The following FBRSL1 variants were observed in gnomAD, a reference collection of about 807,000 sequenced individuals.
FBRSL1 encodes the protein fibrosin like 1, also known as fibrosin-1-like protein.
Under a neutral mutation model 89.6 loss-of-function variants are expected in FBRSL1, and 51 were observed. The observed-to-expected ratio is 0.57, with a 90% CI of 0.45 to 0.72. The LOEUF (loss-of-function observed/expected upper bound fraction) is 0.72. Among genes scored for constraint, FBRSL1 ranks in the 30% least tolerant of loss-of-function variants. The probability of loss-of-function intolerance (pLI) is 0.00; values close to 1 mark genes in which losing one functional copy is unlikely to be tolerated. For synonymous variants in FBRSL1, 779 were observed against 681.1 expected (o/e 1.14, Z -2.24); for missense variants, 1,618 against 1,451.8 (o/e 1.11, Z -1.86).
intron 9 of FBRSL1, chr12:132,571,756 G>A (rs955724862): frequency 3.1e-5 from 11 of 350,470 alleles, no homozygotes; most frequent in Admixed American, 2.4e-4. Flanking sequence ...CAGGCACCCC[G>A]TGCCCACGTG....
At chr12:132,573,660 G>A (rs1241255076) in intron 11 of FBRSL1, among the ~76,000 whole-genome samples, 1 of 96,854 alleles carries the variant, frequency 1.0e-5, no homozygotes, top group Non-Finnish European at 2.6e-5. Context: ...GAGCCAGTCT[G>A]GGGAGGAGGG....
intron 2 of FBRSL1, among the ~76,000 whole-genome samples, chr12:132,518,334 C>T (rs1261794748): frequency 1.3e-5 from 2 of 151,638 alleles, no homozygotes; most frequent in Non-Finnish European, 2.9e-5. Context: ...TGCATCTGTC[C>T]ATCCACCCAC....
At chr12:132,558,625 C>T (rs2038865566) in intron 5 of FBRSL1, among the ~76,000 whole-genome samples, 1 of 152,238 alleles carries the variant, frequency 6.6e-6, no homozygotes, top group Non-Finnish European at 1.5e-5. Flanking sequence ...CTTGGTGATT[C>T]CTTCTATACC....
chr12:132,525,627 C>T (rs894753817), intron 2 of FBRSL1, 107 bp from the exon 3 acceptor site: 14 of 885,176 alleles, frequency 1.6e-5, no homozygotes, highest in South Asian at 3.1e-5. Context: ...CGCCTGGGGC[C>T]GGGGTGCTGG....
chr12:132,581,664 C>T, intron 16 of FBRSL1, 77 bp from the exon 17 acceptor site: 1 of 1,504,750 alleles, frequency 6.6e-7, no homozygotes, highest in Non-Finnish European at 9.0e-7. Context: ...AAAGCCTCTA[C>T]AGCAGCCCCC....
In FBRSL1 at chr12:132,499,652, A is replaced by G. The variant is rs547303789; in HGVS notation, c.292-8501A>G. Among the ~76,000 whole-genome samples the G allele has an allele frequency of 4.0e-5, 6 of 150,440 alleles. No individual in the cohort carries two copies. Among genetic ancestry groups the G allele is most frequent in the Non-Finnish European group, 8.9e-5 (6 of 67,374 alleles). ...AGGAAGGGCACATGTAGCAGGTGGT[A>G]CAGGTTTGGGGTGCCGGTGGCAGGC... On this transcript the variant is annotated intron_variant, in intron 1 of 18. Coordinates refer to ENST00000680143, the MANE Select transcript of FBRSL1 (RefSeq NM_001367871.1). This position sits in a 1 kb window ranked among gnomAD's most constrained non-coding sequence, Gnocchi z 4.3.
chr12:132,583,525 G>T lies in FBRSL1; in HGVS notation c.2756G>T (p.Gly919Val). Residue 919 changes from glycine to valine, a missense_variant, in exon 19 of 19, where the codon GGC (glycine) becomes GTC (valine). By Grantham distance (109) the Gly-to-Val change is moderately radical (BLOSUM62 -3). Transcript: ENST00000680143. ...CCGCCCGCCGCCCCCGCCTTGGACG[G>T]CGCGCTGCTGCCCTCGCTGGGAGCC... Reference protein sequence around the residue: ...HLPPAAPALDGALLPSLGALH... With the variant: ...HLPPAAPALDVALLPSLGALH... 1 of 1,046,344 alleles carries T rather than the reference G, an allele frequency of 9.6e-7. No individual in the cohort carries two copies. The highest frequency in any genetic ancestry group is 2.9e-5 in the South Asian group (1 of 34,170). 64.8% of individuals were successfully genotyped at this position (1,046,344 alleles called of 1,614,324 possible).
intron 11 of FBRSL1, 64 bp from the exon 12 acceptor site, chr12:132,574,026 G>A (rs2040219013): frequency 4.5e-6 from 5 of 1,118,334 alleles, no homozygotes. Flanking sequence ...GAACCAGGAA[G>A]CCCGAGGCGT....
At chr12:132,511,999 T>C in intron 2 of FBRSL1, 1 of 985,498 alleles carries the variant, frequency 1.0e-6, no homozygotes, top group South Asian at 4.7e-5. Context: ...TCTTACGTGA[T>C]TTATTCCCAC....
chr12:132,498,677 C>T (rs897930083), intron 1 of FBRSL1, among the ~76,000 whole-genome samples: 1 of 152,198 alleles, frequency 6.6e-6, no homozygotes, highest in Non-Finnish European at 1.5e-5. Context: ...GCACAGGGCC[C>T]CCCATCCTGG....
Position 132,570,164 on chromosome 12 carries a change from C to A in FBRSL1, c.930C>A (p.Leu310=). 6.7e-7 allele frequency: 1 copy of A among 1,500,514 alleles called. No homozygotes were observed. 92.9% of individuals were successfully genotyped at this position (1,500,514 alleles called of 1,614,324 possible). ...CACCCCCGCAGCCCCGCGGCCTGCT[C>A]CCGACACACGTGCCTGCATCCCTGG... is the stretch of plus-strand genomic sequence containing the variant. ...QPPPPQPRGL[L]PTHVPASLGA... The change falls in exon 7 of 19, where the codon CTC becomes CTA. Residue 310 remains leucine, a synonymous_variant. Coordinates refer to ENST00000680143, the MANE Select transcript of FBRSL1 (RefSeq NM_001367871.1).
At chr12:132,531,001 G>GT (rs1396678294) in intron 4 of FBRSL1, among the ~76,000 whole-genome samples, 3 of 150,582 alleles carry the variant, frequency 2.0e-5, no homozygotes, top group Middle Eastern at 3.2e-3. Context: ...GTGTGGGGGG[G>GT]GGGGTGCAGG....
At chr12:132,575,948 C>T (rs1407916913) in intron 14 of FBRSL1, among the ~76,000 whole-genome samples, 1 of 152,260 alleles carries the variant, frequency 6.6e-6, no homozygotes, top group Non-Finnish European at 1.5e-5. Context: ...CCTCCTGGCT[C>T]TGGGCCCCTC....
intron 2 of FBRSL1, 23 bp from the exon 3 acceptor site, chr12:132,525,711 G>T: frequency 1.3e-6 from 2 of 1,536,194 alleles, no homozygotes; most frequent in Non-Finnish European, 1.8e-6. Context: ...GTTTGCCTGA[G>T]ACAGTGTCTC....
rs553881034 is a variant in FBRSL1, at chr12:132,525,841, C to G, written c.579+18C>G. 1.3e-6 allele frequency: 2 copies of G among 1,536,690 alleles called. No homozygotes were observed. The highest frequency in any genetic ancestry group is 1.8e-6 in the Non-Finnish European group (2 of 1,135,822). On this transcript the variant is annotated intron_variant, in intron 3 of 18. Coordinates refer to ENST00000680143, the MANE Select transcript of FBRSL1 (RefSeq NM_001367871.1). ...TCAGCGATGTGAGTACCCAGCTGCC[C>G]GCGCCCGGAGGCTCCGAGTCTGGGC...
intron 5 of FBRSL1, among the ~76,000 whole-genome samples, chr12:132,567,132 C>G (rs2039682628): frequency 6.6e-6 from 1 of 152,208 alleles, no homozygotes; most frequent in Non-Finnish European, 1.5e-5. Context: ...GGTGCTGGTT[C>G]TCCTGGGAGG....
At chr12:132,550,116 G>A (rs1054042636) in intron 5 of FBRSL1, among the ~76,000 whole-genome samples, 6 of 151,944 alleles carry the variant, frequency 3.9e-5, no homozygotes, top group Admixed American at 1.3e-4. Context: ...AGAGGGTCCC[G>A]GCAGGGCGAG....
intron 1 of FBRSL1, among the ~76,000 whole-genome samples, chr12:132,494,039 G>A (rs369818642): frequency 6.6e-5 from 10 of 152,190 alleles, no homozygotes; most frequent in African/African-American, 2.4e-4. Context: ...GGGTGGGGCG[G>A]CGCGGCAGAC....
intron 4 of FBRSL1, among the ~76,000 whole-genome samples, chr12:132,539,720 TC>T (rs2037080152): frequency 1.7e-4 from 3 of 17,560 alleles, no homozygotes; most frequent in South Asian, 3.0e-3. Context: ...CAGTCCAGTC[TC>T]CCAGCCCCGT....
Sources: gnomAD v4.1 joint callset for allele counts (sites outside exome capture counted in the v4.1 genomes callset) on GRCh38, gnomAD v4.1.1 for gene constraint, Gnocchi (gnomAD v3.1) non-coding constraint, MANE v1.5 for transcripts, NCBI Gene and HGNC (gene_info 2026-07-23, HGNC 2026-07-21) for gene names.